THSD7B: variants seen among roughly 807,000 people sequenced by gnomAD.
The protein encoded by THSD7B is thrombospondin type-1 domain-containing protein 7B.
THSD7B carries 138 observed loss-of-function variants against 213.6 expected under a neutral mutation model. That is an observed-to-expected ratio of 0.65 (90% CI 0.56 to 0.74). The LOEUF is 0.74. Ranked by LOEUF, THSD7B falls within the 30% of genes least tolerant of loss-of-function variation. The pLI is 0.00. For synonymous variants in THSD7B, 742 were observed against 687.0 expected, an observed-to-expected ratio of 1.08 and a Z score of -1.25; for missense variants, 1,931 against 1,991.5, an observed-to-expected ratio of 0.97 and a Z score of 0.58.
In THSD7B at chr2:137,057,162, A is replaced by G. The variant is rs1573793830; in HGVS notation, c.882A>G (p.Ala294=). Residue 294 remains alanine, a synonymous_variant, in exon 3 of 28, where the codon GCA becomes GCG. Coordinates refer to ENST00000409968, the MANE Select transcript of THSD7B (RefSeq NM_001316349.2). Reference sequence around the variant, plus strand: ...CACATCATCATTCGAAGTCTTGGGCAATAGAGATAGGTTATCAAACCCGGC... The same window carrying G: ...CACATCATCATTCGAAGTCTTGGGCGATAGAGATAGGTTATCAAACCCGGC... ...YKAHHHSKSW[A]IEIGYQTRQV... 1.2e-6 allele frequency: 2 copies of G among 1,613,992 alleles called. No homozygotes were observed. Among genetic ancestry groups the G allele is most frequent in the East Asian group, 4.5e-5 (2 of 44,884 alleles).
intron 7 of THSD7B, among the ~76,000 whole-genome samples, chr2:137,179,665 A>G (rs893659610): frequency 1.3e-5 from 2 of 152,000 alleles, no homozygotes; most frequent in Non-Finnish European, 2.9e-5. Flanking sequence ...TTTTTGAATT[A>G]CTAAATTAAT....
At chr2:137,063,355 T>G (rs1363137645) in intron 3 of THSD7B, among the ~76,000 whole-genome samples, 3 of 151,966 alleles carry the variant, frequency 2.0e-5, no homozygotes. Context: ...TCTTTGCTCC[T>G]TTTTAATTTT....
At chr2:137,333,239 C>T (rs1234348203) in intron 12 of THSD7B, among the ~76,000 whole-genome samples, 7 of 152,218 alleles carry the variant, frequency 4.6e-5, no homozygotes, top group South Asian at 4.2e-4. Context: ...CCTGGGAGGA[C>T]GCAAATTGTC....
At chr2:137,281,202 T>C (rs929954452) in intron 12 of THSD7B, among the ~76,000 whole-genome samples, 3 of 152,148 alleles carry the variant, frequency 2.0e-5, no homozygotes, top group Non-Finnish European at 2.9e-5. Context: ...TAATTAGTTT[T>C]TGTCACAGTT....
intron 13 of THSD7B, among the ~76,000 whole-genome samples, chr2:137,409,310 T>C (rs982621263): frequency 2.0e-5 from 3 of 152,210 alleles, no homozygotes; most frequent in Admixed American, 6.5e-5. Flanking sequence ...GTGACACCCA[T>C]TGGAATGGAA....
At chr2:136,811,537 ATTTCT>A (rs1401131119) in intron 1 of THSD7B, among the ~76,000 whole-genome samples, 2 of 152,002 alleles carry the variant, frequency 1.3e-5, no homozygotes, top group Non-Finnish European at 2.9e-5. Context: ...TATCATGAAA[ATTTCT>A]TTTCCTCAGC....
chr2:136,878,067 C>T (rs971738968), intron 1 of THSD7B, among the ~76,000 whole-genome samples: 2 of 152,126 alleles, frequency 1.3e-5, no homozygotes, highest in Non-Finnish European at 2.9e-5. Context: ...CTATCCCTCC[C>T]ACTTTCCCCC....
intron 12 of THSD7B, 106 bp downstream of exon 12, chr2:137,276,132 G>T: frequency 1.3e-6 from 1 of 795,888 alleles, no homozygotes; most frequent in Non-Finnish European, 1.9e-6. Context: ...GATATTATTG[G>T]CTTGAATTAT....
At chr2:137,486,583 A>G (rs1163094988) in intron 15 of THSD7B, among the ~76,000 whole-genome samples, 2 of 148,634 alleles carry the variant, frequency 1.3e-5, no homozygotes, top group African/African-American at 4.9e-5. Context: ...AGACAGATCA[A>G]CGAGACAGAA....
At chr2:137,467,748 G>A (rs2105088351) in intron 15 of THSD7B, among the ~76,000 whole-genome samples, 1 of 152,214 alleles carries the variant, frequency 6.6e-6, no homozygotes, top group Non-Finnish European at 1.5e-5. Context: ...TTCTCTATGA[G>A]GATGCAAGTT....
chr2:137,133,456 T>G (rs774308503), intron 5 of THSD7B, among the ~76,000 whole-genome samples: 3 of 152,172 alleles, frequency 2.0e-5, no homozygotes, highest in Non-Finnish European at 2.9e-5. Flanking sequence ...TATGGAATAG[T>G]GGTTCTCATA....
At chr2:136,818,963 G>A (rs572760715) in intron 1 of THSD7B, among the ~76,000 whole-genome samples, 30 of 152,160 alleles carry the variant, frequency 2.0e-4, no homozygotes, top group African/African-American at 5.8e-4. Context: ...ATTTATGCTC[G>A]GGTGAAAGCA....
At chr2:136,798,067 T>G (rs1490234291) in intron 1 of THSD7B, among the ~76,000 whole-genome samples, 1 of 151,868 alleles carries the variant, frequency 6.6e-6, no homozygotes, top group Non-Finnish European at 1.5e-5. Flanking sequence ...ATTTCCTACT[T>G]GGATGAGCAT....
chr2:137,109,216 AG>A (rs1688305438), intron 4 of THSD7B, among the ~76,000 whole-genome samples: 2 of 152,150 alleles, frequency 1.3e-5, no homozygotes, highest in African/African-American at 4.8e-5. Flanking sequence ...CTCAGTAGCC[AG>A]GTGTTCCTTA....
At position 137,128,257 on chromosome 2, in the gene THSD7B, TAATAA is replaced by T. The variant is rs574660478; in HGVS notation, c.1369+12971_1369+12975del. ...TCGTCATTTTTAACACTTATAACTT[TAATAA>T]AATAAATTATTTGTGATTTATTAAT... On this transcript the variant is annotated intron_variant, in intron 5 of 27. Coordinates refer to ENST00000409968, the MANE Select transcript of THSD7B (RefSeq NM_001316349.2). 3.0e-4 allele frequency among the ~76,000 whole-genome samples: 45 copies of T among 152,342 alleles called. No homozygotes were observed. The East Asian group carries it at 8.7e-3, about 29-fold the overall frequency.
intron 15 of THSD7B, among the ~76,000 whole-genome samples, chr2:137,523,366 T>G (rs1206189140): frequency 6.6e-6 from 1 of 152,228 alleles, no homozygotes; most frequent in Non-Finnish European, 1.5e-5. Context: ...AATCATGCAT[T>G]TGTTTTAGAG....
intron 12 of THSD7B, among the ~76,000 whole-genome samples, chr2:137,387,597 C>G (rs76232792): frequency 0.032 from 4,823 of 152,144 alleles, 278 homozygotes; most frequent in African/African-American, 0.11. Context: ...CTTCCCCATC[C>G]TAATGGAAAG....
At chr2:137,497,103 G>T (rs1465073721) in intron 15 of THSD7B, among the ~76,000 whole-genome samples, 4 of 151,994 alleles carry the variant, frequency 2.6e-5, no homozygotes, top group African/African-American at 7.3e-5. Flanking sequence ...TTTCTAAATT[G>T]TAATATGCAG....
chr2:136,985,969 C>A (rs1206009741), intron 2 of THSD7B, among the ~76,000 whole-genome samples: 1 of 152,188 alleles, frequency 6.6e-6, no homozygotes, highest in Non-Finnish European at 1.5e-5. Flanking sequence ...GACTGCCCTC[C>A]TGGGTTTCAT....
Sources: allele counts gnomAD v4.1 joint callset (sites outside exome capture counted in the v4.1 genomes callset), GRCh38; gene constraint gnomAD v4.1.1; transcripts MANE v1.5; gene names NCBI Gene and HGNC (gene_info 2026-07-23, HGNC 2026-07-21).